The following ILDR2 variants were observed in gnomAD, a reference collection of about 807,000 sequenced individuals.
The protein encoded by ILDR2 is immunoglobulin like domain containing receptor 2, also known as immunoglobulin-like domain-containing receptor 2.
A neutral mutation model predicts 66.8 loss-of-function variants in ILDR2; 25 were observed. That is an observed-to-expected ratio of 0.37 (90% CI 0.27 to 0.52). ILDR2 has a LOEUF of 0.52. Among genes scored for constraint, ILDR2 ranks in the 20% least tolerant of loss-of-function variants. ILDR2 has a pLI of 0.88. For synonymous variants in ILDR2, 367 were observed against 357.2 expected, an observed-to-expected ratio of 1.03 and a Z score of -0.31; for missense variants, 827 against 876.8, an observed-to-expected ratio of 0.94 and a Z score of 0.72.
chr1:166,965,754 T>TTC (rs1553232700), intron 1 of ILDR2, among the ~76,000 whole-genome samples: 1 of 150,392 alleles, frequency 6.6e-6, no homozygotes, highest in African/African-American at 2.5e-5. Flanking sequence ...TTTTTTTTTT[T>TTC]AGTAGAGGTG....
At chr1:166,942,883 C>T (rs909419062) in intron 3 of ILDR2, among the ~76,000 whole-genome samples, 31 of 152,130 alleles carry the variant, frequency 2.0e-4, no homozygotes, top group Non-Finnish European at 5.9e-5. Context: ...GACTTTTTTA[C>T]TTTTGTAATG....
In ILDR2 at chr1:166,947,646, G is replaced by A. The variant is rs1437061317; in HGVS notation, c.500-8076C>T. ...CAATTTCTCGGTGCCACCCACTCTC[G>A]CGCCTGCCCCCAGCCCCCGTTTCCT... On this transcript the variant is annotated intron_variant, in intron 3 of 9. Transcript: ENST00000271417. Among the ~76,000 whole-genome samples, 5 of 152,046 alleles carry A rather than the reference G, an allele frequency of 3.3e-5. No individual in the cohort carries two copies. The East Asian group carries it at 7.7e-4, about 24-fold the overall frequency.
At chr1:166,969,129 C>T (rs57969755) in intron 1 of ILDR2, among the ~76,000 whole-genome samples, 2 of 151,902 alleles carry the variant, frequency 1.3e-5, no homozygotes, top group Admixed American at 1.3e-4. Flanking sequence ...ACAACAACAA[C>T]AAAAAAAGAC....
Position 166,909,468 on chromosome 1 carries a change from C to T in ILDR2, c.*9887G>A, listed in dbSNP as rs1017713048. ...CATTTCTCCTTTTCTTGTTCTTAAG[C>T]TAGTCTGAGCTATCTTCCTGTCATT... On this transcript the variant is annotated 3_prime_UTR_variant, in exon 10 of 10. Transcript: ENST00000271417. 4 of 151,728 alleles carry T rather than the reference C, an allele frequency of 2.6e-5. No individual in the cohort carries two copies. The highest frequency in any genetic ancestry group is 4.4e-5 in the Non-Finnish European group (3 of 67,988). 9.4% of individuals were successfully genotyped at this position (151,728 alleles called of 1,614,324 possible).
rs756989377 is a variant in ILDR2 at position 166,920,866 on chromosome 1, C to T, written c.1725G>A (p.Lys575=). The change falls in exon 9 of 10, where the codon AAG becomes AAA. Residue 575 remains lysine (K), a synonymous_variant. Coordinates refer to ENST00000271417, the MANE Select transcript of ILDR2 (RefSeq NM_199351.3). ...YYAWSPPGTY[K]AGSSQDDQED... ...CCTGGTCGTCCTGCGACGAGCCGGCCTTGTAGGTGCCGGGCGGCGACCAAG... is the reference window on the plus strand; with the variant it reads ...CCTGGTCGTCCTGCGACGAGCCGGCTTTGTAGGTGCCGGGCGGCGACCAAG... 32 of 1,501,174 alleles carry T rather than the reference C, an allele frequency of 2.1e-5. No homozygotes were observed. The Admixed American group carries it at 6.2e-4, about 29-fold the overall frequency. 93.0% of individuals were successfully genotyped at this position (1,501,174 alleles called of 1,614,324 possible).
At position 166,921,422 on chromosome 1, in the gene ILDR2, T is replaced by G; in HGVS notation, c.1212-43A>C. Reference sequence around the variant, plus strand: ...GGGGGTCAGACGGCCGGTCCCTCCCTGGAGCTCCAGGTAGGGCTCCCAAGA... The same window carrying G: ...GGGGGTCAGACGGCCGGTCCCTCCCGGGAGCTCCAGGTAGGGCTCCCAAGA... On this transcript the variant is annotated intron_variant, in intron 8 of 9. Coordinates refer to ENST00000271417, the MANE Select transcript of ILDR2 (RefSeq NM_199351.3). This position sits in a 1 kb window ranked among gnomAD's most constrained non-coding sequence, Gnocchi z 5.3. 1 of 1,486,132 alleles carries G rather than the reference T, an allele frequency of 6.7e-7. No individual in the cohort carries two copies. Among genetic ancestry groups the G allele is most frequent in the Non-Finnish European group, 9.0e-7 (1 of 1,110,758 alleles). The allele number at this position is 1,486,132 out of a possible 1,614,324, so 92.1% of individuals were successfully genotyped here. A position where few individuals can be genotyped will look rare whatever the true frequency, so the allele number is the denominator to read the frequency against.
At chr1:166,950,345 A>C (rs1049070549) in intron 3 of ILDR2, among the ~76,000 whole-genome samples, 117 of 152,182 alleles carry the variant, frequency 7.7e-4, no homozygotes, top group Non-Finnish European at 1.3e-4. Context: ...CTGGGAGCTG[A>C]GGCCCTTTTA....
In ILDR2 at chr1:166,936,403, A is replaced by G. The variant is rs148085272; in HGVS notation, c.703+188T>C. The stretch of plus-strand genomic sequence containing the variant: ...ATAAGAAGTGTGGAGAGGTGTATGT[A>G]GGTGAAAAGGCAAATGAGAATGGTC... On this transcript the variant is annotated intron_variant, in intron 5 of 9. Coordinates refer to ENST00000271417, the MANE Select transcript of ILDR2 (RefSeq NM_199351.3). This position sits in a 1 kb window ranked among gnomAD's most constrained non-coding sequence, Gnocchi z 5.0. Among the ~76,000 whole-genome samples the G allele has an allele frequency of 7.2e-5, 11 of 152,338 alleles. No homozygotes were observed. The East Asian group carries it at 2.1e-3, about 29-fold the overall frequency.
At position 166,957,997 on chromosome 1, in the gene ILDR2, G is replaced by C. The variant is rs576615625; in HGVS notation, c.151C>G (p.Pro51Ala). 3.5e-5 allele frequency: 57 copies of C among 1,614,186 alleles called. No individual in the cohort carries two copies. The East Asian group carries it at 9.1e-4, about 26-fold the overall frequency. The change falls in exon 2 of 10, where the codon CCT (proline) becomes GCT (alanine). Residue 51 changes from proline to alanine, a missense_variant. Pro to Ala is a conservative substitution (Grantham distance 27). This residue lies in a region of ILDR2 where 437 missense variants were observed against 523.2 expected (regional missense o/e 0.84). Transcript: ENST00000271417. ...TTGAACTTCCACTGCACAACTGCAG[G>C]CTGATGGGAGGATGTTGAGAAGTGG... is the stretch of plus-strand genomic sequence containing the variant. ...RCHFSTSSHQ[P>A]AVVQWKFKSY...
In ILDR2 at chr1:166,963,971, G is replaced by T. The variant is rs576061448; in HGVS notation, c.47-5870C>A. Among the ~76,000 whole-genome samples, 268 of 152,204 alleles carry T rather than the reference G, an allele frequency of 1.8e-3. 1 individual carries two copies. Among genetic ancestry groups the T allele is most frequent in the Admixed American group, 3.7e-3 (56 of 15,284 alleles). The stretch of plus-strand genomic sequence containing the variant: ...AAACTCCTATAAAGAAATTTACAGA[G>T]GTGCAGAAAGAACCTGTGCTTCACC... On this transcript the variant is annotated intron_variant, in intron 1 of 9. Transcript: ENST00000271417.
At chr1:166,955,425 T>G (rs943008324) in intron 3 of ILDR2, among the ~76,000 whole-genome samples, 1 of 152,042 alleles carries the variant, frequency 6.6e-6, no homozygotes, top group Admixed American at 6.6e-5. Context: ...CTGGCCAACA[T>G]AGCAAAACCC....
rs113211028 is a variant in ILDR2 at position 166,903,048 on chromosome 1, C to T, written n.171+4005G>A. 8.5e-4 allele frequency among the ~76,000 whole-genome samples: 130 copies of T among 152,318 alleles called. 1 individual carries two copies. Among genetic ancestry groups the T allele is most frequent in the African/African-American group, 3.0e-3 (125 of 41,570 alleles). ...TTGTCCCCCACACAAAATCTGCATT[C>T]GCCCTCCAACTGTTCTCACTTCTTC... On this transcript the variant is annotated intron_variant and non_coding_transcript_variant, in intron 2 of 2. Coordinates refer to the ILDR2 transcript ENST00000414590.
intron 3 of ILDR2, among the ~76,000 whole-genome samples, chr1:166,942,061 T>G (rs1235183745): frequency 6.6e-6 from 1 of 152,186 alleles, no homozygotes; most frequent in African/African-American, 2.4e-5. Flanking sequence ...CCTTTCAGGG[T>G]CTCAGTTTTT....
At chr1:166,932,352 A>G (rs1660686625) in intron 6 of ILDR2, among the ~76,000 whole-genome samples, 1 of 152,252 alleles carries the variant, frequency 6.6e-6, no homozygotes, top group African/African-American at 2.4e-5. Flanking sequence ...AACATTTAAT[A>G]TTCAAAACTC....
At chr1:166,947,232 T>C (rs1661668047) in intron 3 of ILDR2, among the ~76,000 whole-genome samples, 1 of 152,362 alleles carries the variant, frequency 6.6e-6, no homozygotes, top group African/African-American at 2.4e-5. Flanking sequence ...AGTGAGTTTC[T>C]TGGAGCCCAG....
chr1:166,919,870 A>C (rs1227873459), intron 9 of ILDR2, among the ~76,000 whole-genome samples: 1 of 152,198 alleles, frequency 6.6e-6, no homozygotes, highest in African/African-American at 2.4e-5. Context: ...ATTCATAAAA[A>C]ACGGAATGGT....
chr1:166,961,538 T>C (rs1195928932), intron 1 of ILDR2, among the ~76,000 whole-genome samples: 1 of 152,256 alleles, frequency 6.6e-6, no homozygotes, highest in African/African-American at 2.4e-5. Flanking sequence ...ATCCAGGTTC[T>C]ACATGACCTC....
chr1:166,971,566 T>A (rs1282514350), intron 1 of ILDR2, among the ~76,000 whole-genome samples: 2 of 152,076 alleles, frequency 1.3e-5, no homozygotes, highest in Non-Finnish European at 2.9e-5. Context: ...ACTCAAGCAA[T>A]CCTCCCACTC....
At chr1:166,923,125 A>G (rs886778949) in intron 7 of ILDR2, among the ~76,000 whole-genome samples, 10 of 152,196 alleles carry the variant, frequency 6.6e-5, no homozygotes, top group Non-Finnish European at 1.5e-5. Context: ...GCCTCCTCCT[A>G]GTACATCATC....
Sources: gnomAD v4.1 joint callset for allele counts (sites outside exome capture counted in the v4.1 genomes callset) on GRCh38, gnomAD v4.1.1 for gene constraint, gnomAD v4.1.1 regional missense constraint, Gnocchi (gnomAD v3.1) non-coding constraint, MANE v1.5 for transcripts, NCBI Gene and HGNC (gene_info 2026-07-23, HGNC 2026-07-21) for gene names.